Variants in CNTNAP2 observed in about 807,000 individuals in gnomAD.
CNTNAP2 encodes the protein contactin associated protein 2.
CNTNAP2 carries 98 observed loss-of-function variants against 155.2 expected under a neutral mutation model. The observed-to-expected ratio is 0.63, with a 90% CI of 0.54 to 0.75. CNTNAP2 has a LOEUF of 0.75. CNTNAP2 is among the 30% of genes least tolerant of loss of function. The pLI, the probability that CNTNAP2 is intolerant of heterozygous loss-of-function variation, is 0.00. For synonymous variants in CNTNAP2, 651 were observed against 631.2 expected, an observed-to-expected ratio of 1.03 and a Z score of -0.47; for missense variants, 1,727 against 1,688.1, an observed-to-expected ratio of 1.02 and a Z score of -0.40.
intron 3 of CNTNAP2, among the ~76,000 whole-genome samples, chr7:146,972,210 G>A (rs1797815219): frequency 1.3e-5 from 2 of 152,052 alleles, no homozygotes; most frequent in Admixed American, 6.6e-5. Context: ...CAACAAATAT[G>A]ATTTTATCAA....
At chr7:147,143,674 C>A (rs2129287858) in intron 8 of CNTNAP2, among the ~76,000 whole-genome samples, 1 of 152,086 alleles carries the variant, frequency 6.6e-6, no homozygotes, top group African/African-American at 2.4e-5. Context: ...AGAAGAGTAG[C>A]AAATATCTCA....
intron 8 of CNTNAP2, among the ~76,000 whole-genome samples, chr7:147,191,466 T>C (rs1802679441): frequency 6.6e-6 from 1 of 152,092 alleles, no homozygotes; most frequent in African/African-American, 2.4e-5. Context: ...TGACCACTGC[T>C]TGGAAGGAAC....
At chr7:147,806,115 G>C (rs891493024) in intron 13 of CNTNAP2, among the ~76,000 whole-genome samples, 1 of 152,082 alleles carries the variant, frequency 6.6e-6, no homozygotes, top group African/African-American at 2.4e-5. Context: ...AGAAGGATTA[G>C]TAACCAGAAC....
chr7:147,625,850 C>A (rs1794960978), intron 12 of CNTNAP2, among the ~76,000 whole-genome samples: 1 of 152,176 alleles, frequency 6.6e-6, no homozygotes, highest in South Asian at 2.1e-4. Flanking sequence ...AGAAGGAAAA[C>A]CTGCCTCCAA....
intron 3 of CNTNAP2, among the ~76,000 whole-genome samples, chr7:146,965,595 G>A (rs1179558883): frequency 1.3e-5 from 2 of 151,924 alleles, no homozygotes; most frequent in African/African-American, 4.8e-5. Context: ...GAAGTTGGAT[G>A]GTTTTGAATG....
chr7:147,619,890 C>T (rs1474652230), intron 12 of CNTNAP2, among the ~76,000 whole-genome samples: 1 of 152,204 alleles, frequency 6.6e-6, no homozygotes, highest in African/African-American at 2.4e-5. Context: ...CAGTCCTGTG[C>T]TGGCTTTAGA....
chr7:147,089,041 A>T (rs1157192543), intron 4 of CNTNAP2, among the ~76,000 whole-genome samples: 1 of 152,086 alleles, frequency 6.6e-6, no homozygotes, highest in Non-Finnish European at 1.5e-5. Flanking sequence ...AGAGAAAGAA[A>T]AGCAAGACTG....
rs142899522 is a variant in CNTNAP2, at chr7:146,346,306, G to T, written c.97+229333G>T. Among the ~76,000 whole-genome samples the T allele has an allele frequency of 8.1e-3, 1,229 of 152,270 alleles. 14 individuals are homozygous for T. The highest frequency in any genetic ancestry group is 0.022 in the South Asian group (106 of 4,828). ...CCTGAGCTTGGCCTCCTGTCAGATC[G>T]TCTGTGGCATTAGAGTCTCACAGGA... On this transcript the variant is annotated intron_variant, in intron 1 of 23. Transcript: ENST00000361727.
intron 21 of CNTNAP2, among the ~76,000 whole-genome samples, chr7:148,303,558 C>T (rs893209699): frequency 1.3e-5 from 2 of 152,224 alleles, no homozygotes; most frequent in Non-Finnish European, 2.9e-5. Context: ...GTCATACATA[C>T]TAAGCTGAGA....
rs1346819264 is a variant in CNTNAP2 at position 147,639,244 on chromosome 7, C to T, written c.2036C>T (p.Ala679Val). The T allele has an allele frequency of 5.0e-6, 8 of 1,614,084 alleles. No individual in the cohort carries two copies. The highest frequency in any genetic ancestry group is 6.8e-6 in the Non-Finnish European group (8 of 1,180,008). Residue 679 changes from alanine (A) to valine (V), a missense_variant, in exon 13 of 24, where the codon GCC (alanine) becomes GTC (valine). Coordinates refer to ENST00000361727, the MANE Select transcript of CNTNAP2 (RefSeq NM_014141.6). ...CAGATAAGTGCCATCACTGACAGTGCCGAGTACTGCGAGCAGTATGTCTCC... is the reference window on the plus strand; with the variant it reads ...CAGATAAGTGCCATCACTGACAGTGTCGAGTACTGCGAGCAGTATGTCTCC... ...MDQISAITDS[A>V]EYCEQYVSYF...
At chr7:146,441,196 G>A (rs898512675) in intron 1 of CNTNAP2, among the ~76,000 whole-genome samples, 7 of 151,540 alleles carry the variant, frequency 4.6e-5, no homozygotes, top group Non-Finnish European at 8.8e-5. Context: ...CATATGTAAT[G>A]AGTGTGACTG....
At chr7:146,379,937 A>G (rs1439291088) in intron 1 of CNTNAP2, among the ~76,000 whole-genome samples, 1 of 152,250 alleles carries the variant, frequency 6.6e-6, no homozygotes, top group Non-Finnish European at 1.5e-5. Context: ...TGAATAATCA[A>G]CACTTACAGA....
chr7:148,271,973 T>C (rs569421944), intron 21 of CNTNAP2, among the ~76,000 whole-genome samples: 19 of 152,208 alleles, frequency 1.2e-4, no homozygotes, highest in South Asian at 2.1e-4. Context: ...AGAAACTGAT[T>C]CTATAAAAGA....
intron 15 of CNTNAP2, among the ~76,000 whole-genome samples, chr7:148,113,020 G>A (rs1804388864): frequency 6.6e-6 from 1 of 152,084 alleles, no homozygotes; most frequent in African/African-American, 2.4e-5. Flanking sequence ...TACTTTGTTA[G>A]AAACAAAAAT....
chr7:146,303,107 T>TGC (rs1348669265), intron 1 of CNTNAP2, among the ~76,000 whole-genome samples: 51 of 150,242 alleles, frequency 3.4e-4, no homozygotes, highest in Admixed American at 2.2e-3. Flanking sequence ...TGTGTGTGTG[T>TGC]GCGCATGCAT....
intron 1 of CNTNAP2, among the ~76,000 whole-genome samples, chr7:146,436,178 T>C (rs1450935313): frequency 2.0e-5 from 3 of 152,166 alleles, no homozygotes; most frequent in South Asian, 4.1e-4. Flanking sequence ...GAATAAACCA[T>C]AGGGCTAAGT....
chr7:146,450,800 C>T (rs6977835), intron 1 of CNTNAP2, among the ~76,000 whole-genome samples: 200 of 152,124 alleles, frequency 1.3e-3, no homozygotes, highest in African/African-American at 4.7e-3. Context: ...ATTTTTGAAC[C>T]TCAGGGATTT....
At chr7:147,129,054 T>C (rs1030515540) in intron 7 of CNTNAP2, among the ~76,000 whole-genome samples, 15 of 152,150 alleles carry the variant, frequency 9.9e-5, no homozygotes, top group African/African-American at 3.4e-4. Flanking sequence ...GTGGTTGGTT[T>C]TATTCCCACG....
At chr7:146,322,800 T>C (rs929137045) in intron 1 of CNTNAP2, among the ~76,000 whole-genome samples, 2 of 151,858 alleles carry the variant, frequency 1.3e-5, no homozygotes, top group Non-Finnish European at 2.9e-5. Flanking sequence ...GAGGCCAAAA[T>C]AGAAAATTTG....
Sources: allele counts gnomAD v4.1 joint callset (sites outside exome capture counted in the v4.1 genomes callset), GRCh38; gene constraint gnomAD v4.1.1; transcripts MANE v1.5; gene names NCBI Gene and HGNC (gene_info 2026-07-23, HGNC 2026-07-21).